Variants in SCARA5 observed in about 807,000 individuals in gnomAD.
The protein encoded by SCARA5 is scavenger receptor class A, member 5 (putative).
In SCARA5, 45 loss-of-function variants were observed where a neutral mutation model predicts 46.3. The ratio of observed to expected loss-of-function variants is 0.97; its 90% CI spans 0.76 to 1.24. SCARA5 has a LOEUF of 1.24. Ranked by LOEUF, SCARA5 falls within the 50% of genes most tolerant of loss-of-function variation. The pLI is 0.00. For synonymous variants in SCARA5, 333 were observed against 306.5 expected, an observed-to-expected ratio of 1.09 and a Z score of -0.90; for missense variants, 680 against 689.0, an observed-to-expected ratio of 0.99 and a Z score of 0.15.
chr8:27,966,228 A>C (rs577222949), intron 3 of SCARA5, among the ~76,000 whole-genome samples, 186 bp downstream of exon 3: 49 of 152,282 alleles, frequency 3.2e-4, no homozygotes, highest in African/African-American at 1.1e-3. Context: ...ACAAGCTCAC[A>C]TAGCCCCTGC....
At position 27,871,284 on chromosome 8, in the gene SCARA5, G is replaced by A. The variant is rs1806633399; in HGVS notation, c.*650C>T. 7.7e-6 allele frequency: 2 copies of A among 259,882 alleles called. No homozygotes were observed. The allele number at this position is 259,882 out of a possible 1,614,324, so 16.1% of individuals were successfully genotyped here. On this transcript the variant is annotated 3_prime_UTR_variant, in exon 9 of 9. Coordinates refer to ENST00000354914, the MANE Select transcript of SCARA5 (RefSeq NM_173833.6). ...AATTTGGCACCCAAGATACTATTTA[G>A]CGTGCCATGGTAGTCATTCAATGTT...
At position 27,948,591 on chromosome 8, in the gene SCARA5, T is replaced by G. The variant is rs529885378; in HGVS notation, c.241+17823A>C. ...TCCATGTGTTTGGGATTTGAGCAGC[T>G]AGGGGCCTGGAGAGCTCTTCAAACT... On this transcript the variant is annotated intron_variant, in intron 3 of 8. Transcript: ENST00000354914. Among the ~76,000 whole-genome samples, 210 of 152,320 alleles carry G rather than the reference T, an allele frequency of 1.4e-3. 1 individual carries two copies. The highest frequency in any genetic ancestry group is 4.6e-3 in the African/African-American group (192 of 41,572).
chr8:27,977,314 G>A (rs1348310933), intron 2 of SCARA5, among the ~76,000 whole-genome samples: 1 of 152,070 alleles, frequency 6.6e-6, no homozygotes. Context: ...GAAAACCCAG[G>A]ACTCCCCAGG....
At position 27,958,048 on chromosome 8, in the gene SCARA5, G is replaced by A. The variant is rs557032808; in HGVS notation, c.241+8366C>T. Among the ~76,000 whole-genome samples the A allele has an allele frequency of 5.3e-5, 8 of 152,322 alleles. No homozygotes were observed. The South Asian group carries it at 6.2e-4, about 12-fold the overall frequency. ...TAAAAACAGGTGGTGGCTGGATTTGGCTCTTTGCCTAGAAGGATTGCAGTG... is the reference window on the plus strand; with the variant it reads ...TAAAAACAGGTGGTGGCTGGATTTGACTCTTTGCCTAGAAGGATTGCAGTG... On this transcript the variant is annotated intron_variant, in intron 3 of 8. Coordinates refer to ENST00000354914, the MANE Select transcript of SCARA5 (RefSeq NM_173833.6).
intron 7 of SCARA5, among the ~76,000 whole-genome samples, chr8:27,894,341 G>A (rs899801061): frequency 2.0e-5 from 3 of 152,186 alleles, no homozygotes; most frequent in Admixed American, 6.5e-5. Flanking sequence ...GAATGCTTAA[G>A]ACAAATATTT....
intron 4 of SCARA5, among the ~76,000 whole-genome samples, chr8:27,919,701 C>G (rs748238458): frequency 6.6e-6 from 1 of 151,810 alleles, no homozygotes; most frequent in African/African-American, 2.4e-5. Context: ...CACACTAGCT[C>G]TGGGATCAGA....
At chr8:27,928,227 G>A (rs1424023519) in intron 3 of SCARA5, among the ~76,000 whole-genome samples, 1 of 152,188 alleles carries the variant, frequency 6.6e-6, no homozygotes, top group African/African-American at 2.4e-5. Context: ...TCTTAGTTGA[G>A]TGTGACTCTC....
intron 3 of SCARA5, among the ~76,000 whole-genome samples, chr8:27,941,692 T>C (rs1563533174): frequency 6.6e-6 from 1 of 152,008 alleles, no homozygotes; most frequent in South Asian, 2.1e-4. Context: ...TTAATATTTA[T>C]AGAGGAACTC....
intron 8 of SCARA5, among the ~76,000 whole-genome samples, chr8:27,872,942 G>A (rs566128480): frequency 6.6e-6 from 1 of 152,324 alleles, no homozygotes; most frequent in Admixed American, 6.5e-5. Context: ...GAGGAGCAGT[G>A]CATATCTGCA....
At chr8:27,875,589 A>G (rs1470458417) in intron 8 of SCARA5, among the ~76,000 whole-genome samples, 1 of 152,110 alleles carries the variant, frequency 6.6e-6, no homozygotes, top group Non-Finnish European at 1.5e-5. Flanking sequence ...GAGGTGGGAC[A>G]TGAAACACAC....
intron 3 of SCARA5, among the ~76,000 whole-genome samples, chr8:27,938,608 C>T (rs1402661902): frequency 6.6e-6 from 1 of 152,192 alleles, no homozygotes; most frequent in African/African-American, 2.4e-5. Context: ...GGAAAATCCT[C>T]ATCGACAGGC....
chr8:27,982,346 AT>A (rs1263880972), intron 2 of SCARA5, among the ~76,000 whole-genome samples: 6 of 134,804 alleles, frequency 4.5e-5, no homozygotes, highest in Non-Finnish European at 1.6e-5. Flanking sequence ...CCGGCTGCAT[AT>A]CGGGGAAACC....
chr8:27,959,817 T>G (rs558743403), intron 3 of SCARA5, among the ~76,000 whole-genome samples: 1 of 152,314 alleles, frequency 6.6e-6, no homozygotes, highest in African/African-American at 2.4e-5. Flanking sequence ...GGAGGGAGGT[T>G]GTAGGAGATG....
At chr8:27,956,433 T>G (rs1369304661) in intron 3 of SCARA5, among the ~76,000 whole-genome samples, 1 of 152,228 alleles carries the variant, frequency 6.6e-6, no homozygotes, top group Non-Finnish European at 1.5e-5. Context: ...GAAACCTCTA[T>G]TCTGAGATTT....
intron 4 of SCARA5, among the ~76,000 whole-genome samples, chr8:27,918,088 T>C (rs1286335405): frequency 6.6e-6 from 1 of 152,210 alleles, no homozygotes; most frequent in Admixed American, 6.5e-5. Flanking sequence ...AGGTGGACTG[T>C]GGGTAACAGA....
chr8:27,886,543 C>A (rs940840547), intron 7 of SCARA5, among the ~76,000 whole-genome samples: 8 of 152,186 alleles, frequency 5.3e-5, no homozygotes, highest in African/African-American at 1.9e-4. Flanking sequence ...ACTTGTGTCT[C>A]TGGCCTCCTT....
At chr8:27,955,948 G>A (rs1808200516) in intron 3 of SCARA5, among the ~76,000 whole-genome samples, 1 of 152,204 alleles carries the variant, frequency 6.6e-6, no homozygotes, top group South Asian at 2.1e-4. Flanking sequence ...AGATCATGGT[G>A]TCATTTACAG....
chr8:27,876,459 T>A (rs2727011), intron 8 of SCARA5, among the ~76,000 whole-genome samples: 1 of 152,094 alleles, frequency 6.6e-6, no homozygotes, highest in African/African-American at 2.4e-5. Flanking sequence ...CAACCTGATG[T>A]GGGGAGGGGG....
intron 7 of SCARA5, 34 bp from the exon 8 acceptor site, chr8:27,879,800 T>C (rs1585459754): frequency 1.2e-6 from 2 of 1,605,440 alleles, no homozygotes; most frequent in African/African-American, 1.3e-5. Flanking sequence ...TACCCAGCTC[T>C]AGATACACCA....
Sources: gnomAD v4.1 joint callset for allele counts (sites outside exome capture counted in the v4.1 genomes callset) on GRCh38, gnomAD v4.1.1 for gene constraint, MANE v1.5 for transcripts, NCBI Gene and HGNC (gene_info 2026-07-23, HGNC 2026-07-21) for gene names.